Variants in TACC2 observed in about 807,000 individuals in gnomAD.
TACC2 encodes the protein transforming acidic coiled-coil containing protein 2.
In TACC2, 137 loss-of-function variants were observed where a neutral mutation model predicts 227.3. The observed-to-expected ratio is 0.60, with a 90% CI of 0.52 to 0.69. The LOEUF (loss-of-function observed/expected upper bound fraction) is 0.69, where lower values mean the gene tolerates loss of function less well. Ranked by LOEUF, TACC2 falls within the 30% of genes least tolerant of loss-of-function variation. The probability of loss-of-function intolerance (pLI) is 0.00; values close to 1 mark genes in which losing one functional copy is unlikely to be tolerated. For missense variants in TACC2, 3,470 were observed against 3,694.4 expected (o/e 0.94, Z 1.57); for synonymous variants, 1,523 against 1,487.5 (o/e 1.02, Z -0.55).
chr10:122,122,978 T>C (rs1223431373), intron 5 of TACC2, among the ~76,000 whole-genome samples: 1 of 152,292 alleles, frequency 6.6e-6, no homozygotes, highest in Non-Finnish European at 1.5e-5. Flanking sequence ...TAGTTTCTCC[T>C]CTGCTGCTGA....
At chr10:122,013,559 G>A (rs1956200551) in intron 1 of TACC2, among the ~76,000 whole-genome samples, 1 of 152,214 alleles carries the variant, frequency 6.6e-6, no homozygotes, top group Non-Finnish European at 1.5e-5. Flanking sequence ...GAATAGCAAT[G>A]GGCTTAGGTC....
At chr10:122,134,400 A>G (rs1366281007) in intron 6 of TACC2, among the ~76,000 whole-genome samples, 1 of 150,826 alleles carries the variant, frequency 6.6e-6, no homozygotes, top group Non-Finnish European at 1.5e-5. Flanking sequence ...CTGTTCTCAA[A>G]CTCCTGACCC....
At chr10:122,068,492 C>T (rs1448622606) in intron 3 of TACC2, among the ~76,000 whole-genome samples, 1 of 152,108 alleles carries the variant, frequency 6.6e-6, no homozygotes, top group Non-Finnish European at 1.5e-5. Context: ...CTGCATCTCG[C>T]TTCATTAGAT....
Position 122,086,151 on chromosome 10 carries a change from A to C in TACC2, c.3651A>C (p.Pro1217=), listed in dbSNP as rs1238220937. 1.9e-6 allele frequency: 3 copies of C among 1,613,634 alleles called. No individual in the cohort carries two copies. The Admixed American group carries it at 5.0e-5, about 27-fold the overall frequency. The change falls in exon 4 of 23, where the codon CCA becomes CCC. Residue 1217 remains proline, a synonymous_variant. Transcript: ENST00000369005. ...TMDFSTHQAV[P]DPKELLLSGP... is the part of the protein sequence containing the mutation. ...ATTTTTCTACACACCAGGCTGTCCC[A>C]GACCCAAAGGAGCTCCTGCTGTCTG...
At chr10:122,248,585 A>G in intron 19 of TACC2, 58 bp from the exon 20 acceptor site, 2 of 1,604,974 alleles carry the variant, frequency 1.2e-6, no homozygotes, top group Non-Finnish European at 1.7e-6. Flanking sequence ...GGCTGGCCCC[A>G]GAGACCCAGT....
At chr10:122,034,326 C>T (rs1192478550) in intron 2 of TACC2, among the ~76,000 whole-genome samples, 1 of 152,140 alleles carries the variant, frequency 6.6e-6, no homozygotes, top group Non-Finnish European at 1.5e-5. Flanking sequence ...AGTTCATCTG[C>T]TTCTCTTCAT....
At chr10:122,243,132 C>T (rs1049724087) in intron 19 of TACC2, among the ~76,000 whole-genome samples, 8 of 152,250 alleles carry the variant, frequency 5.3e-5, no homozygotes, top group African/African-American at 9.6e-5. Context: ...TTAGTAGAGA[C>T]GGGGTTTCAC....
intron 7 of TACC2, among the ~76,000 whole-genome samples, chr10:122,164,319 A>G (rs2093016188): frequency 6.6e-6 from 1 of 152,218 alleles, no homozygotes. Context: ...ACAGCCAGGC[A>G]TCAGCGACTG....
chr10:122,139,802 C>T (rs1478351569), intron 6 of TACC2, among the ~76,000 whole-genome samples: 1 of 152,180 alleles, frequency 6.6e-6, no homozygotes, highest in Non-Finnish European at 1.5e-5. Context: ...TGCTGTCACC[C>T]ATCTGGCCAA....
At chr10:122,105,371 C>T (rs2082633765) in intron 5 of TACC2, among the ~76,000 whole-genome samples, 1 of 152,102 alleles carries the variant, frequency 6.6e-6, no homozygotes, top group African/African-American at 2.4e-5. Flanking sequence ...TGGGCATTGG[C>T]AGTCTGGGAT....
At chr10:122,048,925 T>C (rs1180561956) in intron 2 of TACC2, among the ~76,000 whole-genome samples, 1 of 152,244 alleles carries the variant, frequency 6.6e-6, no homozygotes, top group Non-Finnish European at 1.5e-5. Flanking sequence ...CAAGAAATTC[T>C]GGCAAACTCT....
At chr10:122,217,264 G>A (rs1044534899) in intron 11 of TACC2, among the ~76,000 whole-genome samples, 1 of 151,962 alleles carries the variant, frequency 6.6e-6, no homozygotes, top group African/African-American at 2.4e-5. Context: ...CAGACACTAT[G>A]GCCACACCTT....
At chr10:122,053,735 G>C (rs1172051239) in intron 3 of TACC2, among the ~76,000 whole-genome samples, 1 of 152,316 alleles carries the variant, frequency 6.6e-6, no homozygotes, top group Admixed American at 6.5e-5. Flanking sequence ...GTTCCCCACT[G>C]TTCAGGGCCC....
intron 6 of TACC2, among the ~76,000 whole-genome samples, chr10:122,142,782 C>T (rs2090808885): frequency 6.6e-6 from 1 of 152,198 alleles, no homozygotes; most frequent in Non-Finnish European, 1.5e-5. Flanking sequence ...CACTGTGGAC[C>T]AGAGCAGGGA....
chr10:122,131,833 C>T (rs995465569), intron 5 of TACC2, among the ~76,000 whole-genome samples: 1 of 151,522 alleles, frequency 6.6e-6, no homozygotes, highest in Non-Finnish European at 1.5e-5. Flanking sequence ...ACCAGCCTGG[C>T]CAACATGATG....
At chr10:122,232,725 A>C (rs1274003457) in intron 16 of TACC2, among the ~76,000 whole-genome samples, 2 of 152,218 alleles carry the variant, frequency 1.3e-5, no homozygotes, top group African/African-American at 4.8e-5. Context: ...AGGGTGGTCC[A>C]CGGGCCTGAC....
chr10:122,090,418 G>GT (rs2080636209), intron 5 of TACC2, among the ~76,000 whole-genome samples: 1 of 151,258 alleles, frequency 6.6e-6, no homozygotes, highest in Non-Finnish European at 1.5e-5. Context: ...GTGGTGGCGG[G>GT]CGCCTGTAGT....
At chr10:122,061,019 A>AGGG (rs796091726) in intron 3 of TACC2, among the ~76,000 whole-genome samples, 15 of 16,598 alleles carry the variant, frequency 9.0e-4, no homozygotes, top group African/African-American at 1.4e-3. Flanking sequence ...AAAAAAAAAA[A>AGGG]GGGGGGGGGG....
At chr10:122,123,985 T>C (rs1269245097) in intron 5 of TACC2, among the ~76,000 whole-genome samples, 5 of 152,012 alleles carry the variant, frequency 3.3e-5, no homozygotes, top group Non-Finnish European at 7.4e-5. Context: ...GGCTAATTTT[T>C]GTATTTTTAG....
Sources: gnomAD v4.1 joint callset for allele counts (sites outside exome capture counted in the v4.1 genomes callset) on GRCh38, gnomAD v4.1.1 for gene constraint, MANE v1.5 for transcripts, NCBI Gene and HGNC (gene_info 2026-07-23, HGNC 2026-07-21) for gene names.